Variants in NOS1 observed in about 807,000 individuals in gnomAD.
NOS1 encodes the protein nitric oxide synthase 1.
NOS1 carries 51 observed loss-of-function variants against 164.5 expected under a neutral mutation model. The ratio of observed to expected loss-of-function variants is 0.31; its 90% CI spans 0.25 to 0.39. The LOEUF (loss-of-function observed/expected upper bound fraction) is 0.39, where lower values mean the gene tolerates loss of function less well. Ranked by LOEUF, NOS1 falls within the 10% of genes least tolerant of loss-of-function variation. NOS1 has a pLI of 1.00. For missense variants in NOS1, 1,362 were observed against 1,885.6 expected (o/e 0.72, Z 5.14); for synonymous variants, 719 against 745.8 (o/e 0.96, Z 0.59).
chr12:117,253,145 C>T (rs956875214), intron 17 of NOS1, among the ~76,000 whole-genome samples: 3 of 152,142 alleles, frequency 2.0e-5, no homozygotes, highest in African/African-American at 4.8e-5. Context: ...AAAAGCAACA[C>T]ATGGGCCCAA....
At position 117,211,178 on chromosome 12, in the gene NOS1, C is replaced by G. The variant is rs1376104185; in HGVS notation, c.*4131G>C. On this transcript the variant is annotated 3_prime_UTR_variant, in exon 29 of 29. Transcript: ENST00000317775. Reference sequence around the variant, plus strand: ...TTCTACTAACTGGCTGACTGGTCTCCAACTCCTGACCTCAACTGATACACC... The same window carrying G: ...TTCTACTAACTGGCTGACTGGTCTCGAACTCCTGACCTCAACTGATACACC... The G allele has an allele frequency of 2.3e-6, 2 of 880,492 alleles. No individual in the cohort carries two copies. Among genetic ancestry groups the G allele is most frequent in the Non-Finnish European group, 2.7e-6 (2 of 734,364 alleles). 54.5% of individuals were successfully genotyped at this position (880,492 alleles called of 1,614,324 possible). A position where few individuals can be genotyped will look rare whatever the true frequency, so the allele number is the denominator to read the frequency against.
At chr12:117,269,504 G>T (rs1395239897) in intron 10 of NOS1, among the ~76,000 whole-genome samples, 2 of 119,196 alleles carry the variant, frequency 1.7e-5, no homozygotes, top group Non-Finnish European at 1.6e-5. Flanking sequence ...GTCTCACTCT[G>T]TCGCCAGGCT....
At chr12:117,305,762 G>A (rs1385289869) in intron 3 of NOS1, among the ~76,000 whole-genome samples, 1 of 151,462 alleles carries the variant, frequency 6.6e-6, no homozygotes, top group Non-Finnish European at 1.5e-5. Flanking sequence ...TCAGACAACA[G>A]AGCCAGGATG....
In NOS1 at chr12:117,218,048, A is replaced by C; in HGVS notation, c.4287T>G (p.Asp1429Glu). Residue 1429 changes from aspartate to glutamate, a missense_variant and splice_region_variant, in exon 28 of 29, where the codon GAT becomes GAG. Around this residue, in one of 4 missense-constraint regions of NOS1, gnomAD observed 737 missense variants for 1,030.3 expected, o/e 0.72. Transcript: ENST00000317775. ...AFIEESKKDT[D>E]EVFSS is the part of the protein sequence containing the mutation. ...ACCCAGGGATGGAGCCAGCTTACTC[A>C]TCGGTGTCTTTTTTGCTCTCTTCAA... 1 of 1,610,022 alleles carries C rather than the reference A, an allele frequency of 6.2e-7. No homozygotes were observed. The highest frequency in any genetic ancestry group is 8.5e-7 in the Non-Finnish European group (1 of 1,176,278).
At chr12:117,316,851 T>G (rs935558480) in intron 2 of NOS1, among the ~76,000 whole-genome samples, 1 of 152,186 alleles carries the variant, frequency 6.6e-6, no homozygotes, top group African/African-American at 2.4e-5. Flanking sequence ...TACTCATCTG[T>G]GAAATATAAA....
chr12:117,274,231 A>T (rs1872999296), intron 9 of NOS1, among the ~76,000 whole-genome samples: 2 of 152,184 alleles, frequency 1.3e-5, no homozygotes, highest in South Asian at 2.1e-4. Flanking sequence ...TTCACTCAAC[A>T]TCAGGGATAT....
intron 16 of NOS1, among the ~76,000 whole-genome samples, chr12:117,257,712 A>G (rs1329655489): frequency 6.8e-6 from 1 of 147,016 alleles, no homozygotes; most frequent in Non-Finnish European, 1.5e-5. Flanking sequence ...AGTAGCTGAG[A>G]CTATAGGTGT....
At chr12:117,257,299 G>T (rs1290303727) in intron 16 of NOS1, among the ~76,000 whole-genome samples, 1 of 151,738 alleles carries the variant, frequency 6.6e-6, no homozygotes, top group Non-Finnish European at 1.5e-5. Context: ...GCCCAGGCTG[G>T]TTTGAACTCC....
chr12:117,305,289 C>T (rs956634202), intron 3 of NOS1, among the ~76,000 whole-genome samples: 7 of 152,026 alleles, frequency 4.6e-5, no homozygotes, highest in East Asian at 1.9e-4. Context: ...GGTGAAACCC[C>T]GTCTCTACTA....
intron 9 of NOS1, among the ~76,000 whole-genome samples, chr12:117,275,274 T>TTCTC (rs58421488): frequency 3.3e-5 from 5 of 150,086 alleles, no homozygotes; most frequent in African/African-American, 1.2e-4. Context: ...TCCAAATTAA[T>TTCTC]TCTCTCTCTC....
At chr12:117,218,793 A>G (rs1326201729) in intron 27 of NOS1, among the ~76,000 whole-genome samples, 1 of 151,998 alleles carries the variant, frequency 6.6e-6, no homozygotes, top group Admixed American at 6.6e-5. Context: ...TTACCAAGCT[A>G]TGGGAGCTCC....
chr12:117,241,184 C>T (rs142342918), intron 20 of NOS1, among the ~76,000 whole-genome samples: 1,672 of 152,094 alleles, frequency 0.011, 26 homozygotes, highest in African/African-American at 0.038. Flanking sequence ...GTGATCCACC[C>T]GCCTTGGCCT....
At chr12:117,219,283 TTTTTGTTTTG>T (rs1156514167) in intron 27 of NOS1, among the ~76,000 whole-genome samples, 3 of 149,924 alleles carry the variant, frequency 2.0e-5, no homozygotes, top group Admixed American at 1.3e-4. Context: ...ACCCAGCCAT[TTTTTGTTTTG>T]TTTTGTTTTG....
At chr12:117,251,415 T>G (rs1256355365) in intron 17 of NOS1, among the ~76,000 whole-genome samples, 1 of 152,060 alleles carries the variant, frequency 6.6e-6, no homozygotes, top group African/African-American at 2.4e-5. Context: ...CTACAGTTAC[T>G]TCTAGTCACA....
intron 3 of NOS1, among the ~76,000 whole-genome samples, chr12:117,298,947 G>A (rs1219609221): frequency 6.6e-6 from 1 of 152,214 alleles, no homozygotes; most frequent in African/African-American, 2.4e-5. Context: ...CGGCACCAGT[G>A]ACAGCTCCTC....
chr12:117,248,451 G>A (rs1870827499), intron 17 of NOS1, among the ~76,000 whole-genome samples: 1 of 151,576 alleles, frequency 6.6e-6, no homozygotes, highest in Admixed American at 6.6e-5. Context: ...GCGGTGTTTG[G>A]TTTTTTGTTC....
In NOS1 at chr12:117,212,498, G is replaced by A. The variant is rs1956544553; in HGVS notation, c.*2811C>T. 3 of 985,290 alleles carry A rather than the reference G, an allele frequency of 3.0e-6. No homozygotes were observed. Among genetic ancestry groups the A allele is most frequent in the South Asian group, 9.4e-5 (2 of 21,278 alleles). 61.0% of individuals were successfully genotyped at this position (985,290 alleles called of 1,614,324 possible). On this transcript the variant is annotated 3_prime_UTR_variant, in exon 29 of 29. Coordinates refer to ENST00000317775, the MANE Select transcript of NOS1 (RefSeq NM_000620.5). ...ATCTCTCTGCTCTTTCACGACACAA[G>A]CTGTGGGAACTGGATGCATAGTGAT...
intron 7 of NOS1, among the ~76,000 whole-genome samples, chr12:117,283,167 C>T (rs1429815709): frequency 6.6e-5 from 10 of 151,148 alleles, no homozygotes; most frequent in African/African-American, 2.4e-4. Context: ...TTCAAGCAAT[C>T]CTCCCACCTC....
intron 1 of NOS1, among the ~76,000 whole-genome samples, chr12:117,340,560 CA>C (rs1243676104): frequency 1.9e-4 from 29 of 152,254 alleles, no homozygotes; most frequent in Middle Eastern, 3.4e-3. Flanking sequence ...GACGGAGTCT[CA>C]CTCTGTCACC....
Sources: gnomAD v4.1 joint callset for allele counts (sites outside exome capture counted in the v4.1 genomes callset) on GRCh38, gnomAD v4.1.1 for gene constraint, gnomAD v4.1.1 regional missense constraint, MANE v1.5 for transcripts, NCBI Gene and HGNC (gene_info 2026-07-23, HGNC 2026-07-21) for gene names.